ZNF274: variants seen among roughly 807,000 people sequenced by gnomAD.
The protein encoded by ZNF274 is neurotrophin receptor-interacting factor homolog.
In ZNF274, 23 loss-of-function variants were observed where a neutral mutation model predicts 42.5. That is an observed-to-expected ratio of 0.54 (90% confidence interval 0.39 to 0.77). The LOEUF is 0.77. ZNF274 is among the 30% of genes least tolerant of loss of function. ZNF274 has a pLI of 0.00. For synonymous variants in ZNF274, 292 were observed against 305.4 expected (o/e 0.96, Z 0.46); for missense variants, 679 against 806.5 (o/e 0.84, Z 1.91).
In ZNF274 at chr19:58,212,999, C is replaced by T; in HGVS notation, c.1818C>T (p.Leu606=). 6.2e-7 allele frequency: 1 copy of T among 1,613,992 alleles called. No individual in the cohort carries two copies. The highest frequency in any genetic ancestry group is 8.5e-7 in the Non-Finnish European group (1 of 1,179,874). ...CGKAFRQSSH[L]IRHQRTHTGE... ...AAGCCTTCCGCCAGAGCTCCCACCT[C>T]ATCAGACATCAGAGGACTCACACCG... The change falls in exon 8 of 8, where the codon CTC becomes CTT. Residue 606 remains leucine (L), a synonymous_variant. Coordinates refer to ENST00000617501, the MANE Select transcript of ZNF274 (RefSeq NM_133502.3). The surrounding 1 kb of genome is among the most constrained non-coding windows in gnomAD (Gnocchi z 4.6).
chr19:58,207,094 G>A lies in ZNF274; in HGVS notation c.631G>A (p.Gly211Ser). Residue 211 changes from glycine (G) to serine (S), a missense_variant, in exon 5 of 8, where the codon GGT (glycine) becomes AGT (serine). Physicochemically the swap from Gly to Ser is moderately conservative, Grantham distance 56. This residue lies in a region of ZNF274 where 456 missense variants were observed against 590.1 expected (regional missense o/e 0.77). Coordinates refer to ENST00000617501, the MANE Select transcript of ZNF274 (RefSeq NM_133502.3). This position sits in a 1 kb window ranked among gnomAD's most constrained non-coding sequence, Gnocchi z 5.6. ...LELLVLEQFL[G>S]ALPVKLRTWV... ...GCTGCTGGTGCTGGAGCAGTTCCTA[G>A]GTGCACTGCCTGTGAAGCTCCGGAC... is the stretch of plus-strand genomic sequence containing the variant. The A allele has an allele frequency of 1.2e-6, 2 of 1,613,892 alleles. No individual in the cohort carries two copies. Among genetic ancestry groups the A allele is most frequent in the Non-Finnish European group, 1.7e-6 (2 of 1,179,934 alleles).
intron 4 of ZNF274, among the ~76,000 whole-genome samples, chr19:58,188,813 G>C (rs1836524927): frequency 6.7e-6 from 1 of 148,890 alleles, no homozygotes; most frequent in Admixed American, 6.7e-5. Context: ...CTTGAGGCTA[G>C]GAGTTTGAGG....
intron 4 of ZNF274, among the ~76,000 whole-genome samples, chr19:58,192,028 AC>A (rs948592514): frequency 6.6e-5 from 10 of 152,238 alleles, no homozygotes; most frequent in African/African-American, 2.4e-4. Context: ...GTGGGGAATT[AC>A]TTCAGAAGAC....
At chr19:58,193,675 C>T (rs768351971) in intron 4 of ZNF274, among the ~76,000 whole-genome samples, 2 of 151,864 alleles carry the variant, frequency 1.3e-5, no homozygotes, top group Non-Finnish European at 2.9e-5. Context: ...ACTGGAACCC[C>T]AACACTTAGG....
intron 2 of ZNF274, chr19:58,185,366 G>A (rs2075685210): frequency 6.6e-6 from 1 of 152,332 alleles, no homozygotes; most frequent in Admixed American, 6.5e-5. Context: ...GGAGGCTGCA[G>A]TGAGCCAAGA....
chr19:58,187,269 G>C (rs987309997), intron 4 of ZNF274, among the ~76,000 whole-genome samples: 1 of 152,196 alleles, frequency 6.6e-6, no homozygotes, highest in Admixed American at 6.5e-5. Context: ...TTGACAGTAG[G>C]GGCTCCCTTA....
intron 4 of ZNF274, among the ~76,000 whole-genome samples, chr19:58,199,308 G>T (rs2075881835): frequency 2.0e-5 from 3 of 152,060 alleles, no homozygotes; most frequent in Non-Finnish European, 4.4e-5. Flanking sequence ...GGAGGTTGCA[G>T]TGAGCCGAGA....
At chr19:58,183,874 C>T in intron 1 of ZNF274, 47 bp from the exon 2 acceptor site, 3 of 1,340,396 alleles carry the variant, frequency 2.2e-6, no homozygotes, top group Non-Finnish European at 3.1e-6. Flanking sequence ...AGCTCCCCAG[C>T]GGACACCTTA....
At chr19:58,183,722 G>A (rs2075659480) in intron 1 of ZNF274, 199 bp from the exon 2 acceptor site, 1 of 499,782 alleles carries the variant, frequency 2.0e-6, no homozygotes, top group Admixed American at 3.6e-5. Context: ...CGGGACAGAG[G>A]AGGCTCGGTG....
intron 4 of ZNF274, among the ~76,000 whole-genome samples, chr19:58,193,552 A>G (rs574190820): frequency 7.1e-4 from 102 of 143,230 alleles, no homozygotes; most frequent in African/African-American, 2.6e-3. Context: ...TCCTGGGTTC[A>G]AGTGATTCTC....
chr19:58,195,209 A>AAT (rs1454121156), intron 4 of ZNF274, among the ~76,000 whole-genome samples: 3 of 137,682 alleles, frequency 2.2e-5, no homozygotes, highest in African/African-American at 8.7e-5. Context: ...AAAAAAAAAA[A>AAT]TACACATATA....
rs1555816813 is a variant in ZNF274, at chr19:58,188,620, A to AAAT, written c.256+1579_256+1580insATA. Among the ~76,000 whole-genome samples, 28 of 70,350 alleles carry AAAT rather than the reference A, an allele frequency of 4.0e-4. No homozygotes were observed. In the East Asian group the frequency reaches 6.5e-3, roughly 16 times the overall value. 46.2% of individuals were successfully genotyped at this position (70,350 alleles called of 152,430 possible). A position where few individuals can be genotyped will look rare whatever the true frequency, so the allele number is the denominator to read the frequency against. ...GACTCCATCTCAAAAAAAAAAAAAA[A>AAAT]ATATATATATATATATATATATATA... On this transcript the variant is annotated intron_variant, in intron 4 of 7. Transcript: ENST00000617501.
Position 58,211,768 on chromosome 19 carries a change from A to C in ZNF274, c.979+82A>C. 6.6e-7 allele frequency: 1 copy of C among 1,516,934 alleles called. No homozygotes were observed. Among genetic ancestry groups the C allele is most frequent in the African/African-American group, 1.4e-5 (1 of 72,088 alleles). The allele number at this position is 1,516,934 out of a possible 1,614,324, so 94.0% of individuals were successfully genotyped here. A position where few individuals can be genotyped will look rare whatever the true frequency, so the allele number is the denominator to read the frequency against. On this transcript the variant is annotated intron_variant, in intron 7 of 7. Transcript: ENST00000617501. This position sits in a 1 kb window ranked among gnomAD's most constrained non-coding sequence, Gnocchi z 4.8. The stretch of plus-strand genomic sequence containing the variant: ...AGTCAGGGGTGTTCACCTTCTCTAG[A>C]CTCCACACTGGGCATTCCCTCAAGG...
At chr19:58,188,644 T>G (rs2075733626) in intron 4 of ZNF274, among the ~76,000 whole-genome samples, 1 of 109,874 alleles carries the variant, frequency 9.1e-6, no homozygotes, top group Non-Finnish European at 1.9e-5. Flanking sequence ...TATATATATA[T>G]ATGTAAAAAA....
intron 4 of ZNF274, among the ~76,000 whole-genome samples, chr19:58,187,707 C>T (rs746860677): frequency 8.7e-5 from 13 of 149,326 alleles, no homozygotes; most frequent in African/African-American, 3.2e-4. Context: ...CATGAGCCAC[C>T]GTGTCTGTCT....
At chr19:58,195,910 G>A (rs555710090) in intron 4 of ZNF274, among the ~76,000 whole-genome samples, 1 of 152,236 alleles carries the variant, frequency 6.6e-6, no homozygotes, top group Admixed American at 6.5e-5. Flanking sequence ...TTTGCCTGCC[G>A]CTCACCTCCT....
intron 5 of ZNF274, 77 bp from the exon 6 acceptor site, chr19:58,209,884 G>C (rs539399886): frequency 1.0e-6 from 1 of 966,708 alleles, no homozygotes; most frequent in Admixed American, 2.1e-5. Context: ...GGCCCCATGG[G>C]TTGCAGAGAG....
intron 4 of ZNF274, among the ~76,000 whole-genome samples, chr19:58,195,055 G>C (rs1393178027): frequency 6.6e-6 from 1 of 151,388 alleles, no homozygotes; most frequent in African/African-American, 2.4e-5. Context: ...AAAATTAACT[G>C]GGCATGCTGG....
Position 58,212,817 on chromosome 19 carries a change from C to T in ZNF274, c.1636C>T (p.Gln546Ter). The T allele has an allele frequency of 2.5e-6, 4 of 1,614,008 alleles. No individual in the cohort carries two copies. The highest frequency in any genetic ancestry group is 1.7e-5 in the Admixed American group (1 of 60,024). ...VCQDCGKGFVQSSSLTQHQRV... is the reference protein window; with the variant it reads ...VCQDCGKGFV ...TCAAGACTGTGGGAAAGGATTTGTT[C>T]AGAGCTCTTCCCTCACACAGCATCA... The change falls in exon 8 of 8, where the codon CAG becomes TAG. Residue 546 changes from glutamine to a stop codon, truncating the protein, a stop_gained. Transcript: ENST00000617501. LOFTEE classifies it high-confidence loss of function. This position sits in a 1 kb window ranked among gnomAD's most constrained non-coding sequence, Gnocchi z 4.6.
Sources: gnomAD v4.1 joint callset for allele counts (sites outside exome capture counted in the v4.1 genomes callset) on GRCh38, gnomAD v4.1.1 for gene constraint, gnomAD v4.1.1 regional missense constraint, Gnocchi (gnomAD v3.1) non-coding constraint, MANE v1.5 for transcripts, NCBI Gene and HGNC (gene_info 2026-07-23, HGNC 2026-07-21) for gene names.